Variants in NRXN1 observed in about 807,000 individuals in gnomAD.
The protein encoded by NRXN1 is neurexin-1.
A neutral mutation model predicts 150.9 loss-of-function variants in NRXN1; 39 were observed. The observed-to-expected ratio is 0.26, with a 90% confidence interval of 0.20 to 0.34. The LOEUF (loss-of-function observed/expected upper bound fraction) is 0.34. NRXN1 is among the 10% of genes least tolerant of loss of function. The pLI is 1.00. For synonymous variants in NRXN1, 924 were observed against 757.0 expected (o/e 1.22, Z -3.62); for missense variants, 1,815 against 1,949.9 (o/e 0.93, Z 1.30).
At chr2:50,233,781 G>T (rs1353440134) in intron 18 of NRXN1, among the ~76,000 whole-genome samples, 1 of 151,850 alleles carries the variant, frequency 6.6e-6, no homozygotes, top group Non-Finnish European at 1.5e-5. Context: ...TAAATCATAA[G>T]CAATAATCTA....
intron 12 of NRXN1, among the ~76,000 whole-genome samples, chr2:50,519,949 T>C (rs1381761934): frequency 6.6e-6 from 1 of 151,908 alleles, no homozygotes; most frequent in African/African-American, 2.4e-5. Context: ...TTTAAAAATA[T>C]TGTATGTTTT....
At chr2:50,143,951 AT>A (rs1707648934) in intron 18 of NRXN1, among the ~76,000 whole-genome samples, 1 of 152,044 alleles carries the variant, frequency 6.6e-6, no homozygotes, top group Admixed American at 6.6e-5. Context: ...CTCCAAAACT[AT>A]GGCTATATTT....
intron 5 of NRXN1, among the ~76,000 whole-genome samples, chr2:50,701,347 C>A (rs532981864): frequency 1.3e-5 from 2 of 152,168 alleles, no homozygotes; most frequent in Admixed American, 1.3e-4. Context: ...CATATACAAA[C>A]AGTATTATTA....
intron 8 of NRXN1, among the ~76,000 whole-genome samples, chr2:50,595,857 A>G (rs1675113593): frequency 6.6e-6 from 1 of 152,224 alleles, no homozygotes. Context: ...GAGAACCAAA[A>G]TGCTAAAACA....
intron 5 of NRXN1, chr2:50,919,971 T>C: frequency 2.7e-6 from 1 of 374,116 alleles, no homozygotes; most frequent in South Asian, 2.1e-5. Flanking sequence ...GTCATGATTG[T>C]ATTTCTGCTC....
At chr2:50,769,370 A>G (rs1702742946) in intron 5 of NRXN1, among the ~76,000 whole-genome samples, 2 of 152,080 alleles carry the variant, frequency 1.3e-5, no homozygotes, top group Non-Finnish European at 2.9e-5. Context: ...TAATGCACTA[A>G]CATCATTTCC....
intron 5 of NRXN1, among the ~76,000 whole-genome samples, chr2:50,840,435 T>G (rs991763900): frequency 3.2e-4 from 48 of 152,142 alleles, no homozygotes; most frequent in African/African-American, 1.0e-3. Context: ...GTCTTTCATT[T>G]CACCGCTGAG....
At chr2:50,703,470 G>A (rs891898875) in intron 5 of NRXN1, among the ~76,000 whole-genome samples, 2 of 152,014 alleles carry the variant, frequency 1.3e-5, no homozygotes, top group African/African-American at 4.8e-5. Flanking sequence ...AAGAAGGAAA[G>A]GTAAAGATGT....
intron 5 of NRXN1, among the ~76,000 whole-genome samples, chr2:50,635,165 C>CT (rs200301567): frequency 0.19 from 28,244 of 146,650 alleles, 3,092 homozygotes; most frequent in Middle Eastern, 0.26. Context: ...TTAAATTCTT[C>CT]TTTTTTTTTT....
intron 5 of NRXN1, among the ~76,000 whole-genome samples, chr2:50,826,754 G>C (rs1670500767): frequency 6.6e-6 from 1 of 151,932 alleles, no homozygotes. Context: ...GCTCTGTTTT[G>C]GTCTTGAGAA....
At chr2:50,092,532 A>G (rs76640099) in intron 18 of NRXN1, among the ~76,000 whole-genome samples, 1,969 of 152,296 alleles carry the variant, frequency 0.013, 55 homozygotes, top group African/African-American at 0.045. Context: ...AAGGGTTTAA[A>G]GTACACACAG....
chr2:50,836,720 T>C (rs1049281042), intron 5 of NRXN1, among the ~76,000 whole-genome samples: 5 of 152,008 alleles, frequency 3.3e-5, no homozygotes, highest in Non-Finnish European at 7.4e-5. Flanking sequence ...CATTTATCAG[T>C]TGATGGACAC....
chr2:50,997,401 T>C (rs990294659), intron 2 of NRXN1, among the ~76,000 whole-genome samples: 2 of 144,402 alleles, frequency 1.4e-5, no homozygotes, highest in Middle Eastern at 3.2e-3. Flanking sequence ...ATACTCTGCA[T>C]AGAAATTAAT....
chr2:50,549,435 G>C (rs1162597952), intron 9 of NRXN1, among the ~76,000 whole-genome samples: 1 of 151,876 alleles, frequency 6.6e-6, no homozygotes, highest in East Asian at 1.9e-4. Context: ...TTTTTATATT[G>C]TTTGTACCAA....
intron 1 of NRXN1, among the ~76,000 whole-genome samples, chr2:51,029,555 C>G (rs1430922986): frequency 2.0e-5 from 3 of 152,168 alleles, no homozygotes; most frequent in Non-Finnish European, 4.4e-5. Flanking sequence ...ATGTTGTGTG[C>G]TTGTTCTGTG....
intron 21 of NRXN1, among the ~76,000 whole-genome samples, chr2:50,033,230 T>G (rs1689448797): frequency 6.6e-6 from 1 of 151,914 alleles, no homozygotes; most frequent in Non-Finnish European, 1.5e-5. Flanking sequence ...CAAAGAATAC[T>G]ACAGGGCTAC....
At position 50,380,198 on chromosome 2, in the gene NRXN1, G is replaced by A. The variant is rs182318689; in HGVS notation, c.3364+85244C>T. Among the ~76,000 whole-genome samples, 229 of 151,990 alleles carry A rather than the reference G, an allele frequency of 1.5e-3. 1 individual carries two copies. Among genetic ancestry groups the A allele is most frequent in the Non-Finnish European group, 2.0e-3 (136 of 67,932 alleles). ...TAACCTTACCATTGTGAAACTCAGC[G>A]AGCCTAGAGAAGTTTGGGTACTGTG... is the stretch of plus-strand genomic sequence containing the variant. On this transcript the variant is annotated intron_variant, in intron 17 of 22. Coordinates refer to ENST00000401669, the MANE Select transcript of NRXN1 (RefSeq NM_001330078.2).
intron 22 of NRXN1, among the ~76,000 whole-genome samples, chr2:49,935,092 C>G (rs1670799723): frequency 6.6e-6 from 1 of 152,150 alleles, no homozygotes; most frequent in Non-Finnish European, 1.5e-5. Context: ...CTAATAAAAG[C>G]TAATTTATGT....
Position 50,312,423 on chromosome 2 carries a change from GT to G in NRXN1, c.3365-75454del, listed in dbSNP as rs1156805367. ...TCTATGAGATGGCTGTTCTTTGTGG[GT>G]TTTTTTTTTTCTTTTAATCTTGGGA... On this transcript the variant is annotated intron_variant, in intron 17 of 22. Transcript: ENST00000401669. Among the ~76,000 whole-genome samples the G allele has an allele frequency of 8.7e-3, 1,275 of 146,674 alleles. 15 individuals carry two copies. Among genetic ancestry groups the G allele is most frequent in the African/African-American group, 0.028 (1,131 of 40,192 alleles).
Sources: allele counts gnomAD v4.1 joint callset (sites outside exome capture counted in the v4.1 genomes callset), GRCh38; gene constraint gnomAD v4.1.1; transcripts MANE v1.5; gene names NCBI Gene and HGNC (gene_info 2026-07-23, HGNC 2026-07-21).